CSMD1: variants seen among roughly 807,000 people sequenced by gnomAD.
CSMD1 encodes CUB and sushi domain-containing protein 1.
CSMD1 carries 213 observed loss-of-function variants against 417.5 expected under a neutral mutation model. The ratio of observed to expected loss-of-function variants is 0.51; its 90% CI spans 0.46 to 0.57. CSMD1 has a LOEUF of 0.57. Among genes scored for constraint, CSMD1 ranks in the 20% least tolerant of loss-of-function variants. CSMD1 has a pLI of 0.00. For missense variants in CSMD1, 6,923 were observed against 4,529.7 expected, an observed-to-expected ratio of 1.53 and a Z score of -15.17; for synonymous variants, 2,862 against 1,736.8, an observed-to-expected ratio of 1.65 and a Z score of -16.11.
chr8:3,415,654 C>T (rs1813089037), intron 12 of CSMD1, among the ~76,000 whole-genome samples: 1 of 152,154 alleles, frequency 6.6e-6, no homozygotes, highest in South Asian at 2.1e-4. Context: ...GCCATTGTGC[C>T]TGGCCTTGTA....
chr8:3,555,192 T>C (rs981762399), intron 10 of CSMD1, among the ~76,000 whole-genome samples: 6 of 151,622 alleles, frequency 4.0e-5, no homozygotes, highest in African/African-American at 1.5e-4. Flanking sequence ...CTGGGAGGTG[T>C]AGGGAAAGAT....
chr8:4,248,795 G>T (rs1465548651), intron 3 of CSMD1, among the ~76,000 whole-genome samples: 3 of 152,108 alleles, frequency 2.0e-5, no homozygotes, highest in Admixed American at 6.5e-5. Flanking sequence ...TCCTCTGAAT[G>T]GAAAAATCTT....
intron 26 of CSMD1, among the ~76,000 whole-genome samples, chr8:3,236,676 C>A (rs1215689820): frequency 6.6e-6 from 1 of 152,202 alleles, no homozygotes; most frequent in Non-Finnish European, 1.5e-5. Context: ...CGCTGTCATT[C>A]CTCTTCCAGG....
At chr8:3,446,022 G>A (rs905000617) in intron 12 of CSMD1, among the ~76,000 whole-genome samples, 6 of 152,110 alleles carry the variant, frequency 3.9e-5, no homozygotes, top group Non-Finnish European at 7.4e-5. Context: ...ATACTGTCCC[G>A]GGCCCGGATT....
At chr8:3,876,201 G>T (rs909537962) in intron 5 of CSMD1, among the ~76,000 whole-genome samples, 2 of 152,048 alleles carry the variant, frequency 1.3e-5, no homozygotes, top group Admixed American at 6.6e-5. Context: ...AGGAGGGGAG[G>T]GGAAAACTCC....
chr8:4,914,967 G>C (rs912223640), intron 1 of CSMD1, among the ~76,000 whole-genome samples: 2 of 152,130 alleles, frequency 1.3e-5, no homozygotes, highest in African/African-American at 4.8e-5. Context: ...AACGCATTCC[G>C]TTTCATGTGA....
At chr8:4,435,250 G>A (rs151032112) in intron 2 of CSMD1, among the ~76,000 whole-genome samples, 5 of 152,242 alleles carry the variant, frequency 3.3e-5, no homozygotes, top group African/African-American at 1.2e-4. Context: ...AAAAATGTAT[G>A]TTTTATAAGT....
chr8:4,046,322 G>C (rs930701056), intron 3 of CSMD1, among the ~76,000 whole-genome samples: 1 of 152,012 alleles, frequency 6.6e-6, no homozygotes, highest in Admixed American at 6.6e-5. Context: ...TGTCCTGGAA[G>C]TTAGCTTCTA....
At chr8:3,248,201 A>T (rs1423889182) in intron 26 of CSMD1, among the ~76,000 whole-genome samples, 1 of 152,198 alleles carries the variant, frequency 6.6e-6, no homozygotes, top group Non-Finnish European at 1.5e-5. Flanking sequence ...TGAAAACAGG[A>T]GAAGATTTTC....
At chr8:3,059,388 A>G (rs926563808) in intron 49 of CSMD1, among the ~76,000 whole-genome samples, 2 of 152,022 alleles carry the variant, frequency 1.3e-5, no homozygotes, top group Non-Finnish European at 2.9e-5. Flanking sequence ...GCAACAACTC[A>G]TGCTTTTTAA....
chr8:4,795,165 A>C (rs1457154267), intron 1 of CSMD1, among the ~76,000 whole-genome samples: 1 of 149,786 alleles, frequency 6.7e-6, no homozygotes, highest in Non-Finnish European at 1.5e-5. Flanking sequence ...AGAATGTAGT[A>C]GCCACATTTT....
At chr8:3,006,522 A>C (rs1303977848) in intron 52 of CSMD1, among the ~76,000 whole-genome samples, 3 of 152,158 alleles carry the variant, frequency 2.0e-5, no homozygotes, top group Non-Finnish European at 4.4e-5. Context: ...ACTTCAAACT[A>C]TACTACAAGG....
chr8:4,423,464 A>C (rs553351435), intron 2 of CSMD1, among the ~76,000 whole-genome samples: 1 of 152,198 alleles, frequency 6.6e-6, no homozygotes. Context: ...ACAACAGCTC[A>C]AAGAAAAGCT....
chr8:3,005,730 G>T (rs958953586), intron 52 of CSMD1, among the ~76,000 whole-genome samples: 6 of 152,132 alleles, frequency 3.9e-5, no homozygotes, highest in African/African-American at 1.4e-4. Flanking sequence ...AACGCTTCAT[G>T]CTAAAAACTC....
Position 2,962,548 on chromosome 8 carries a change from T to C in CSMD1, c.9546A>G (p.Lys3182=), listed in dbSNP as rs776850617. 1 of 1,613,802 alleles carries C rather than the reference T, an allele frequency of 6.2e-7. No homozygotes were observed. The highest frequency in any genetic ancestry group is 2.2e-5 in the East Asian group (1 of 44,846). The part of the protein sequence containing the change: ...TYKSEVFFQC[K]SPFILVGSSR... ...AGGATCCCACGAGTATAAATGGAGA[T>C]TTGCACTGGAAGAAGACTTCGGACT... Residue 3182 remains lysine, a synonymous_variant, in exon 61 of 70, where the codon AAA becomes AAG. Transcript: ENST00000635120.
intron 10 of CSMD1, among the ~76,000 whole-genome samples, chr8:3,534,136 C>G: frequency 6.6e-6 from 1 of 152,166 alleles, no homozygotes; most frequent in Non-Finnish European, 1.5e-5. Context: ...CTCATATGCA[C>G]TGTGAAATAA....
intron 10 of CSMD1, among the ~76,000 whole-genome samples, chr8:3,526,382 T>C (rs1797755032): frequency 6.6e-6 from 1 of 152,110 alleles, no homozygotes; most frequent in Admixed American, 6.6e-5. Context: ...AATAACGTCT[T>C]CTTCAATCCT....
At chr8:3,950,486 G>C (rs374484956) in intron 5 of CSMD1, among the ~76,000 whole-genome samples, 11 of 152,130 alleles carry the variant, frequency 7.2e-5, no homozygotes, top group African/African-American at 2.4e-4. Flanking sequence ...AACATAACAC[G>C]CCCCTTTACT....
intron 3 of CSMD1, among the ~76,000 whole-genome samples, chr8:4,344,178 T>G (rs1800645213): frequency 6.6e-6 from 1 of 152,106 alleles, no homozygotes; most frequent in Non-Finnish European, 1.5e-5. Context: ...TTTCATATAT[T>G]TTCAGATTTC....
Sources: allele counts gnomAD v4.1 joint callset (sites outside exome capture counted in the v4.1 genomes callset), GRCh38; gene constraint gnomAD v4.1.1; transcripts MANE v1.5; gene names NCBI Gene and HGNC (gene_info 2026-07-23, HGNC 2026-07-21).